Variants in LCOR observed in about 807,000 individuals in gnomAD.
LCOR encodes the protein ligand dependent nuclear receptor corepressor.
LCOR carries 14 observed loss-of-function variants against 64.4 expected under a neutral mutation model. The observed-to-expected ratio is 0.22, with a 90% CI of 0.14 to 0.34. The LOEUF (loss-of-function observed/expected upper bound fraction) is 0.34. Among genes scored for constraint, LCOR ranks in the 10% least tolerant of loss-of-function variants. The pLI is 1.00. For missense variants in LCOR, 1,686 were observed against 1,765.3 expected (o/e 0.96, Z 0.80); for synonymous variants, 643 against 642.5 (o/e 1.00, Z -0.01).
chr10:96,845,145 A>C (rs149780987), intron 2 of LCOR, among the ~76,000 whole-genome samples: 160 of 152,012 alleles, frequency 1.1e-3, no homozygotes, highest in Non-Finnish European at 1.7e-3. Context: ...AAATCAACTT[A>C]AAAAAAGATG....
intron 7 of LCOR, among the ~76,000 whole-genome samples, chr10:96,953,542 C>T (rs1847717605): frequency 6.7e-6 from 1 of 149,162 alleles, no homozygotes. Context: ...CAGAGCCAGA[C>T]CTTGTCTCCA....
chr10:96,970,176 T>C (rs1366396121), intron 7 of LCOR, among the ~76,000 whole-genome samples: 1 of 151,696 alleles, frequency 6.6e-6, no homozygotes, highest in Non-Finnish European at 1.5e-5. Flanking sequence ...GGCAGGCAGA[T>C]CACCTGAGCT....
intron 7 of LCOR, among the ~76,000 whole-genome samples, chr10:96,968,070 TA>T (rs1016032354): frequency 6.6e-6 from 1 of 152,052 alleles, no homozygotes; most frequent in African/African-American, 2.4e-5. Flanking sequence ...TTATTATGGT[TA>T]AAAAAAACAT....
chr10:96,835,780 G>A (rs936832830), intron 2 of LCOR, among the ~76,000 whole-genome samples: 7 of 152,020 alleles, frequency 4.6e-5, no homozygotes, highest in Non-Finnish European at 1.0e-4. Flanking sequence ...GTACTTTTTT[G>A]GAGGGTGTGG....
At chr10:96,956,251 T>C (rs892536537) in intron 7 of LCOR, 3 of 1,022,214 alleles carry the variant, frequency 2.9e-6, no homozygotes, top group Admixed American at 5.4e-5. Context: ...GTTGTTGTTG[T>C]TTTTTCTTAA....
At position 96,982,769 on chromosome 10, in the gene LCOR, T is replaced by C. The variant is rs773121118; in HGVS notation, c.2309T>C (p.Ile770Thr). 6 of 1,613,990 alleles carry C rather than the reference T, an allele frequency of 3.7e-6. No homozygotes were observed. The East Asian group carries it at 6.7e-5, about 18-fold the overall frequency. Residue 770 changes from isoleucine to threonine, a missense_variant, in exon 8 of 8, where the codon ATA becomes ACA. Ile to Thr is a moderately conservative substitution (Grantham distance 89). Coordinates refer to ENST00000421806, the MANE Select transcript of LCOR (RefSeq NM_001346516.2). Reference sequence around the variant, plus strand: ...GAGGAAAGTGAGGCAGCAGGTGGTATAGGAAAATTAGAGGGAGAGGACGGT... The same window carrying C: ...GAGGAAAGTGAGGCAGCAGGTGGTACAGGAAAATTAGAGGGAGAGGACGGT... ...ETEESEAAGG[I>T]GKLEGEDGDV...
At chr10:96,903,413 A>AT (rs1451372952) in intron 2 of LCOR, among the ~76,000 whole-genome samples, 6 of 151,922 alleles carry the variant, frequency 3.9e-5, no homozygotes, top group Non-Finnish European at 7.4e-5. Flanking sequence ...GTGGCATGTG[A>AT]TTGTACTTTA....
chr10:96,928,833 G>A (rs1847210369), intron 4 of LCOR, among the ~76,000 whole-genome samples: 4 of 152,090 alleles, frequency 2.6e-5, no homozygotes, highest in African/African-American at 9.7e-5. Flanking sequence ...CTGCAGAATG[G>A]GTATTGTGTT....
At chr10:96,936,714 C>G (rs1451436681) in intron 4 of LCOR, among the ~76,000 whole-genome samples, 23 of 152,112 alleles carry the variant, frequency 1.5e-4, no homozygotes, top group Non-Finnish European at 7.4e-5. Context: ...TTGTGTCCCC[C>G]TAAAACATGA....
At chr10:96,879,745 T>C (rs957250610) in intron 2 of LCOR, among the ~76,000 whole-genome samples, 3 of 151,922 alleles carry the variant, frequency 2.0e-5, no homozygotes, top group African/African-American at 7.3e-5. Flanking sequence ...CACTGCAACC[T>C]CTGCTTCCTG....
At chr10:96,877,474 T>C (rs1366840948) in intron 2 of LCOR, among the ~76,000 whole-genome samples, 1 of 151,994 alleles carries the variant, frequency 6.6e-6, no homozygotes, top group Non-Finnish European at 1.5e-5. Context: ...CAGTGAGCTG[T>C]GATCATGACA....
chr10:96,866,225 C>T (rs1589615680), intron 2 of LCOR, among the ~76,000 whole-genome samples: 1 of 152,210 alleles, frequency 6.6e-6, no homozygotes, highest in Non-Finnish European at 1.5e-5. Context: ...ACACCCGTTA[C>T]ATGATCAAAT....
At position 96,983,664 on chromosome 10, in the gene LCOR, C is replaced by T. The variant is rs1369220526; in HGVS notation, c.3204C>T (p.Pro1068=). ...TSEKEAAQVN[P]IMPKENGASE... is the part of the protein sequence containing the mutation. Reference sequence around the variant, plus strand: ...AAAAGGAAGCTGCACAAGTAAACCCCATAATGCCAAAGGAAAATGGAGCTT... The same window carrying T: ...AAAAGGAAGCTGCACAAGTAAACCCTATAATGCCAAAGGAAAATGGAGCTT... Residue 1068 remains proline (P), a synonymous_variant, in exon 8 of 8, where the codon CCC becomes CCT. Transcript: ENST00000421806. The surrounding 1 kb of genome is among the most constrained non-coding windows in gnomAD (Gnocchi z 4.5). 6.2e-7 allele frequency: 1 copy of T among 1,614,122 alleles called. No homozygotes were observed. The highest frequency in any genetic ancestry group is 1.3e-5 in the African/African-American group (1 of 75,014).
chr10:96,986,462 G>A lies in LCOR; in HGVS notation c.*1328G>A, dbSNP rs1848150727. 1 of 152,250 alleles carries A rather than the reference G, an allele frequency of 6.6e-6. No homozygotes were observed. Among genetic ancestry groups the A allele is most frequent in the African/African-American group, 2.4e-5 (1 of 41,460 alleles). The allele number at this position is 152,250 out of a possible 1,614,324, so 9.4% of individuals were successfully genotyped here. ...TGCTCCAATGTGAATGTACTTGTTG[G>A]AGTAGACGTTCATTCTGATTGATTA... On this transcript the variant is annotated 3_prime_UTR_variant, in exon 8 of 8. Coordinates refer to ENST00000421806, the MANE Select transcript of LCOR (RefSeq NM_001346516.2).
At chr10:96,861,707 G>A (rs181503378) in intron 2 of LCOR, among the ~76,000 whole-genome samples, 2 of 152,174 alleles carry the variant, frequency 1.3e-5, no homozygotes, top group African/African-American at 4.8e-5. Context: ...CATCACACCC[G>A]GCTAATTTTT....
chr10:96,901,224 C>T (rs1041035433), intron 2 of LCOR, among the ~76,000 whole-genome samples: 2 of 152,072 alleles, frequency 1.3e-5, no homozygotes, highest in East Asian at 3.9e-4. Context: ...GGGGTCTCCT[C>T]ATGTTGCCCA....
intron 7 of LCOR, chr10:96,961,513 C>T (rs149197225): frequency 3.9e-5 from 6 of 152,232 alleles, no homozygotes; most frequent in African/African-American, 7.2e-5. Context: ...ATTTGAAGAT[C>T]CATACCTCTT....
chr10:96,942,573 CATT>C (rs1417391831), intron 4 of LCOR, among the ~76,000 whole-genome samples: 1 of 152,114 alleles, frequency 6.6e-6, no homozygotes, highest in Non-Finnish European at 1.5e-5. Context: ...GTTTAAGGAT[CATT>C]ATTTTAATTT....
chr10:96,848,017 A>G (rs1845661676), intron 2 of LCOR, among the ~76,000 whole-genome samples: 1 of 152,210 alleles, frequency 6.6e-6, no homozygotes, highest in African/African-American at 2.4e-5. Context: ...TACTTCTCAG[A>G]TATTACTCAG....
Sources: allele counts gnomAD v4.1 joint callset (sites outside exome capture counted in the v4.1 genomes callset), GRCh38; gene constraint gnomAD v4.1.1; non-coding constraint Gnocchi (gnomAD v3.1); transcripts MANE v1.5; gene names NCBI Gene and HGNC (gene_info 2026-07-23, HGNC 2026-07-21).